The following CNTNAP5 variants were observed in gnomAD, a reference collection of about 807,000 sequenced individuals.
The protein encoded by CNTNAP5 is contactin associated protein family member 5.
A neutral mutation model predicts 150.2 loss-of-function variants in CNTNAP5; 72 were observed. That is an observed-to-expected ratio of 0.48 (90% confidence interval 0.40 to 0.58). The LOEUF is 0.58. Among genes scored for constraint, CNTNAP5 ranks in the 20% least tolerant of loss-of-function variants. The probability of loss-of-function intolerance (pLI) is 0.00; values close to 1 mark genes in which losing one functional copy is unlikely to be tolerated. For synonymous variants in CNTNAP5, 672 were observed against 619.8 expected (o/e 1.08, Z -1.25); for missense variants, 1,636 against 1,626.2 (o/e 1.01, Z -0.10).
intron 19 of CNTNAP5, among the ~76,000 whole-genome samples, chr2:124,860,661 A>T (rs1329563023): frequency 6.6e-6 from 1 of 152,028 alleles, no homozygotes; most frequent in Non-Finnish European, 1.5e-5. Context: ...CCAATGAGAT[A>T]TGTCCTGGCT....
intron 19 of CNTNAP5, among the ~76,000 whole-genome samples, chr2:124,838,795 G>T (rs1000981714): frequency 6.6e-6 from 1 of 152,052 alleles, no homozygotes; most frequent in Admixed American, 6.6e-5. Flanking sequence ...TGTGAAACTT[G>T]CATTTTTTTT....
At chr2:124,612,171 G>A (rs1477373692) in intron 12 of CNTNAP5, among the ~76,000 whole-genome samples, 1 of 152,068 alleles carries the variant, frequency 6.6e-6, no homozygotes, top group East Asian at 1.9e-4. Context: ...AAGTATGAAG[G>A]AAATATTAAA....
intron 3 of CNTNAP5, among the ~76,000 whole-genome samples, chr2:124,410,122 G>T (rs1691708952): frequency 6.6e-6 from 1 of 152,088 alleles, no homozygotes; most frequent in Non-Finnish European, 1.5e-5. Flanking sequence ...AAGATCAAAA[G>T]AGACAAAGGA....
intron 12 of CNTNAP5, among the ~76,000 whole-genome samples, chr2:124,636,644 GTGTGTGTGTC>G (rs756308510): frequency 3.3e-5 from 5 of 149,554 alleles, no homozygotes; most frequent in South Asian, 2.1e-4. Flanking sequence ...TTAACTCTGT[GTGTGTGTGTC>G]TGTGTGTGTC....
Position 124,462,306 on chromosome 2 carries a change from A to G in CNTNAP5, c.919-12433A>G, listed in dbSNP as rs1298183894. ...GCTCTGCCTGTGTATAAGACATGAA[A>G]TCACATTACTTGGTGCCATTTTCCT... On this transcript the variant is annotated intron_variant, in intron 6 of 23. Coordinates refer to ENST00000682447, the MANE Select transcript of CNTNAP5 (RefSeq NM_001367498.1). Among the ~76,000 whole-genome samples, 4 of 152,168 alleles carry G rather than the reference A, an allele frequency of 2.6e-5. No individual in the cohort carries two copies. The East Asian group carries it at 7.7e-4, about 29-fold the overall frequency.
intron 12 of CNTNAP5, among the ~76,000 whole-genome samples, chr2:124,645,408 C>T (rs1219142179): frequency 1.3e-5 from 2 of 152,046 alleles, no homozygotes; most frequent in South Asian, 2.1e-4. Context: ...CTCTAAAAAA[C>T]TTTTTAAAGA....
intron 4 of CNTNAP5, among the ~76,000 whole-genome samples, chr2:124,424,362 G>C (rs968818273): frequency 6.6e-6 from 1 of 152,122 alleles, no homozygotes; most frequent in African/African-American, 2.4e-5. Context: ...CCCTCCAAGT[G>C]GGGAGGGACA....
At chr2:124,116,484 A>G (rs1332954161) in intron 1 of CNTNAP5, among the ~76,000 whole-genome samples, 1 of 152,208 alleles carries the variant, frequency 6.6e-6, no homozygotes, top group Non-Finnish European at 1.5e-5. Flanking sequence ...ATTTCACTGT[A>G]TCCATGTACT....
chr2:124,440,467 C>A (rs1354023754), intron 5 of CNTNAP5, among the ~76,000 whole-genome samples: 2 of 151,880 alleles, frequency 1.3e-5, no homozygotes, highest in Non-Finnish European at 2.9e-5. Context: ...TAAGATAAGA[C>A]CTAGAAAGAA....
intron 19 of CNTNAP5, among the ~76,000 whole-genome samples, chr2:124,822,469 G>A (rs937858195): frequency 6.6e-6 from 1 of 152,126 alleles, no homozygotes; most frequent in African/African-American, 2.4e-5. Flanking sequence ...CTAATCAGCT[G>A]ATTGCCTTTG....
At chr2:124,523,392 A>C (rs956074960) in intron 8 of CNTNAP5, among the ~76,000 whole-genome samples, 1 of 152,334 alleles carries the variant, frequency 6.6e-6, no homozygotes, top group Non-Finnish European at 1.5e-5. Flanking sequence ...CTTTGTGACC[A>C]ATCAGTTAAT....
intron 3 of CNTNAP5, among the ~76,000 whole-genome samples, chr2:124,310,364 G>T (rs144044770): frequency 3.9e-5 from 6 of 152,200 alleles, no homozygotes; most frequent in Admixed American, 2.0e-4. Flanking sequence ...AGATTTGAAT[G>T]AGTGGAACTT....
intron 7 of CNTNAP5, among the ~76,000 whole-genome samples, chr2:124,490,140 C>T (rs1172400771): frequency 6.6e-6 from 1 of 152,030 alleles, no homozygotes; most frequent in East Asian, 1.9e-4. Context: ...TCAAGGACAG[C>T]CTGGCCAACA....
At chr2:124,234,734 C>T (rs1558812883) in intron 2 of CNTNAP5, among the ~76,000 whole-genome samples, 2 of 152,180 alleles carry the variant, frequency 1.3e-5, no homozygotes, top group Admixed American at 1.3e-4. Context: ...GACAGACCTC[C>T]TTTCCTGCTC....
chr2:124,178,828 T>C (rs981161240), intron 1 of CNTNAP5, among the ~76,000 whole-genome samples: 1 of 152,146 alleles, frequency 6.6e-6, no homozygotes, highest in African/African-American at 2.4e-5. Context: ...ACAGACTTCA[T>C]ATAGCCTGTA....
At chr2:124,094,845 G>C (rs373089083) in intron 1 of CNTNAP5, among the ~76,000 whole-genome samples, 2 of 152,120 alleles carry the variant, frequency 1.3e-5, no homozygotes, top group African/African-American at 4.8e-5. Flanking sequence ...ACTGATAAGA[G>C]ATGACTGCTT....
chr2:124,851,205 A>T (rs1683147380), intron 19 of CNTNAP5, among the ~76,000 whole-genome samples: 2 of 152,070 alleles, frequency 1.3e-5, no homozygotes, highest in South Asian at 4.1e-4. Flanking sequence ...TCTCTACAAA[A>T]ATCAGCTGAG....
chr2:124,918,556 A>C lies in CNTNAP5; in HGVS notation c.*4268A>C, dbSNP rs1678813581. On this transcript the variant is annotated 3_prime_UTR_variant, in exon 24 of 24. Coordinates refer to ENST00000682447, the MANE Select transcript of CNTNAP5 (RefSeq NM_001367498.1). ...CCAGTCCAAGATATCCAGGGAGATG[A>C]GGATGAGACCTGTTGAATTTTTTCT... Among the ~76,000 whole-genome samples the C allele has an allele frequency of 1.3e-5, 2 of 152,064 alleles. No individual in the cohort carries two copies. The highest frequency in any genetic ancestry group is 1.5e-5 in the Non-Finnish European group (1 of 67,996).
intron 10 of CNTNAP5, among the ~76,000 whole-genome samples, chr2:124,557,715 T>G (rs72970720): frequency 0.049 from 7,521 of 152,026 alleles, 245 homozygotes; most frequent in East Asian, 0.076. Flanking sequence ...GGAAAAGAGA[T>G]TCCAGGGAAA....
Sources: allele counts gnomAD v4.1 joint callset (sites outside exome capture counted in the v4.1 genomes callset), GRCh38; gene constraint gnomAD v4.1.1; transcripts MANE v1.5; gene names NCBI Gene and HGNC (gene_info 2026-07-23, HGNC 2026-07-21).